The following LARP1 variants were observed in gnomAD, a reference collection of about 807,000 sequenced individuals.
LARP1 encodes La ribonucleoprotein 1, translational regulator, also known as la-related protein 1.
A neutral mutation model predicts 122.7 loss-of-function variants in LARP1; 36 were observed. The observed-to-expected ratio is 0.29, with a 90% CI of 0.22 to 0.39. The LOEUF is 0.39. Among genes scored for constraint, LARP1 ranks in the 10% least tolerant of loss-of-function variants. The pLI, the probability that LARP1 is intolerant of heterozygous loss-of-function variation, is 1.00. For synonymous variants in LARP1, 539 were observed against 528.7 expected, an observed-to-expected ratio of 1.02 and a Z score of -0.27; for missense variants, 1,040 against 1,403.6, an observed-to-expected ratio of 0.74 and a Z score of 4.14.
chr5:154,728,443 A>T (rs1756360357), intron 1 of LARP1, among the ~76,000 whole-genome samples: 1 of 152,328 alleles, frequency 6.6e-6, no homozygotes, highest in East Asian at 1.9e-4. Flanking sequence ...ACATGATATT[A>T]TGGGGCATCT....
chr5:154,789,219 C>CTT (rs757782683), intron 1 of LARP1, among the ~76,000 whole-genome samples: 37,056 of 91,312 alleles, frequency 0.41, 9,223 homozygotes, highest in Non-Finnish European at 0.5. Flanking sequence ...TCAAAACAAA[C>CTT]TTTTTTTTTT....
At chr5:154,779,389 G>A (rs1756213032) in intron 1 of LARP1, among the ~76,000 whole-genome samples, 2 of 152,042 alleles carry the variant, frequency 1.3e-5, no homozygotes, top group Non-Finnish European at 2.9e-5. Context: ...ATCCAAGAAT[G>A]GACTCCAAAG....
At chr5:154,701,621 T>A (rs1348730219) in intron 1 of LARP1, among the ~76,000 whole-genome samples, 3 of 147,886 alleles carry the variant, frequency 2.0e-5, no homozygotes, top group Non-Finnish European at 4.5e-5. Flanking sequence ...AGGGAAACTT[T>A]CTTTTTTTTT....
intron 8 of LARP1, among the ~76,000 whole-genome samples, chr5:154,797,225 T>G (rs1278782169): frequency 1.9e-4 from 19 of 99,512 alleles, no homozygotes; most frequent in Non-Finnish European, 2.6e-4. Flanking sequence ...GTTGTTGTTT[T>G]TTTTTTTTTT....
At chr5:154,813,818 G>T in intron 18 of LARP1, 69 bp from the exon 19 acceptor site, 2 of 1,318,546 alleles carry the variant, frequency 1.5e-6, no homozygotes, top group Non-Finnish European at 2.2e-6. Context: ...GAAGTGTCTA[G>T]ACGGGCCTGG....
At chr5:154,745,443 C>G (rs748159744) in intron 1 of LARP1, among the ~76,000 whole-genome samples, 2 of 152,158 alleles carry the variant, frequency 1.3e-5, no homozygotes, top group Non-Finnish European at 2.9e-5. Flanking sequence ...ATTCAGTACT[C>G]ACTGTATATC....
chr5:154,685,391 C>T (rs1582131850), intron 1 of LARP1, among the ~76,000 whole-genome samples: 1 of 152,192 alleles, frequency 6.6e-6, no homozygotes, highest in African/African-American at 2.4e-5. Flanking sequence ...GGCCATGGTA[C>T]CTTCTCCCCT....
chr5:154,734,520 A>T (rs1240094559), intron 1 of LARP1, among the ~76,000 whole-genome samples: 2 of 152,236 alleles, frequency 1.3e-5, no homozygotes, highest in Non-Finnish European at 2.9e-5. Context: ...ATAATAATTT[A>T]CATATATTAG....
At chr5:154,776,806 A>G (rs1755924642) in intron 1 of LARP1, among the ~76,000 whole-genome samples, 1 of 152,336 alleles carries the variant, frequency 6.6e-6, no homozygotes, top group South Asian at 2.1e-4. Flanking sequence ...ATGTGAAGTG[A>G]GTGTTTTTCA....
rs148104860 is a variant in LARP1, at chr5:154,791,483, A to G, written c.564+773A>G. Among the ~76,000 whole-genome samples, 778 of 152,324 alleles carry G rather than the reference A, an allele frequency of 5.1e-3. 2 individuals carry two copies. Among genetic ancestry groups the G allele is most frequent in the African/African-American group, 0.018 (730 of 41,566 alleles). ...CTCGGCCTCCCAAAGTGCTGGGATT[A>G]TAGGTGTGAGCCACTGTCCCCAGCC... On this transcript the variant is annotated intron_variant, in intron 3 of 18. Transcript: ENST00000518297.
chr5:154,740,554 GAGACAC>G (rs1219482316), intron 1 of LARP1, among the ~76,000 whole-genome samples: 1 of 152,216 alleles, frequency 6.6e-6, no homozygotes, highest in Non-Finnish European at 1.5e-5. Flanking sequence ...AGAGGAAGCA[GAGACAC>G]AGAGAGGTTT....
chr5:154,738,146 G>A (rs2113443801), intron 1 of LARP1, among the ~76,000 whole-genome samples: 1 of 152,334 alleles, frequency 6.6e-6, no homozygotes, highest in Middle Eastern at 3.4e-3. Flanking sequence ...AACCATGCGT[G>A]TGTGGGATAC....
rs762327673 is a variant in LARP1, at chr5:154,793,865, C to T, written c.934C>T (p.Pro312Ser). Residue 312 changes from proline (P) to serine (S), a missense_variant, in exon 6 of 19, where the codon CCG becomes TCG. Pro to Ser is a moderately conservative substitution (Grantham distance 74). This residue lies in a region of LARP1 where 178 missense variants were observed against 178.3 expected (regional missense o/e 1.00). Coordinates refer to ENST00000518297, the MANE Select transcript of LARP1 (RefSeq NM_033551.3). ...CCCAGCCTGGCAACCAGAGATCAAA[C>T]CGGAGCCTGCCTGGCACGACCAGGA... ...PTPAWQPEIK[P>S]EPAWHDQDET... is the part of the protein sequence containing the mutation. 2 of 1,614,202 alleles carry T rather than the reference C, an allele frequency of 1.2e-6. No individual in the cohort carries two copies. The highest frequency in any genetic ancestry group is 1.7e-6 in the Non-Finnish European group (2 of 1,180,028).
chr5:154,684,966 C>G (rs1490402239), intron 1 of LARP1, among the ~76,000 whole-genome samples: 1 of 152,122 alleles, frequency 6.6e-6, no homozygotes, highest in Non-Finnish European at 1.5e-5. Flanking sequence ...TACCCCTTGG[C>G]TGGGCGCGGT....
Position 154,684,651 on chromosome 5 carries a change from A to G in LARP1, c.-180+1614A>G, listed in dbSNP as rs796797755. On this transcript the variant is annotated intron_variant, in intron 1 of 18. Coordinates refer to the LARP1 transcript ENST00000687700. ...GCCAAGAGAAGGGGTTTGAAGTCCC[A>G]CAGTGGACTTCACAGTGGATCCCAG... Among the ~76,000 whole-genome samples the G allele has an allele frequency of 2.0e-5, 3 of 152,268 alleles. 1 individual carries two copies. Among genetic ancestry groups the G allele is most frequent in the African/African-American group, 7.2e-5 (3 of 41,566 alleles).
intron 1 of LARP1, among the ~76,000 whole-genome samples, chr5:154,722,550 G>A (rs1755937722): frequency 6.6e-6 from 1 of 152,100 alleles, no homozygotes; most frequent in Admixed American, 6.6e-5. Flanking sequence ...GTCAGGAAGA[G>A]TCTACCATTT....
At chr5:154,781,047 T>C (rs6873483) in intron 1 of LARP1, among the ~76,000 whole-genome samples, 99,177 of 151,888 alleles carry the variant, frequency 0.65, 33,616 homozygotes, top group African/African-American at 0.77. Flanking sequence ...CCAGCCTAGG[T>C]GACAGAGTGA....
intron 1 of LARP1, among the ~76,000 whole-genome samples, chr5:154,762,550 C>T (rs1209392598): frequency 6.6e-6 from 1 of 152,044 alleles, no homozygotes; most frequent in Non-Finnish European, 1.5e-5. Context: ...CTTGGCTGAA[C>T]CTTTAGACTG....
At chr5:154,728,223 T>C (rs1404264545) in intron 1 of LARP1, among the ~76,000 whole-genome samples, 1 of 152,202 alleles carries the variant, frequency 6.6e-6, no homozygotes, top group Non-Finnish European at 1.5e-5. Flanking sequence ...CCAAGGAACC[T>C]TCTTTTAACA....
Sources: gnomAD v4.1 joint callset for allele counts (sites outside exome capture counted in the v4.1 genomes callset) on GRCh38, gnomAD v4.1.1 for gene constraint, gnomAD v4.1.1 regional missense constraint, MANE v1.5 for transcripts, NCBI Gene and HGNC (gene_info 2026-07-23, HGNC 2026-07-21) for gene names.